The following SNTA1 variants were observed in gnomAD, a reference collection of about 807,000 sequenced individuals.
SNTA1 encodes the protein alpha-1-syntrophin.
Under a neutral mutation model 47.1 loss-of-function variants are expected in SNTA1, and 31 were observed. That is an observed-to-expected ratio of 0.66 (90% CI 0.49 to 0.89). The LOEUF is 0.89. Ranked by LOEUF, SNTA1 falls within the 40% of genes least tolerant of loss-of-function variation. SNTA1 has a pLI of 0.00. For missense variants in SNTA1, 575 were observed against 693.0 expected (o/e 0.83, Z 1.91); for synonymous variants, 300 against 313.6 (o/e 0.96, Z 0.46).
intron 2 of SNTA1, among the ~76,000 whole-genome samples, chr20:33,435,554 C>T (rs561765716): frequency 2.1e-4 from 32 of 152,088 alleles, no homozygotes; most frequent in Non-Finnish European, 3.5e-4. Context: ...GATCGCACTA[C>T]TGCACTCCAG....
chr20:33,428,339 G>C (rs1362400164), intron 2 of SNTA1, among the ~76,000 whole-genome samples: 1 of 152,014 alleles, frequency 6.6e-6, no homozygotes, highest in Admixed American at 6.6e-5. Context: ...AATCCAGGAG[G>C]TCGAGGCTGC....
chr20:33,423,373 T>G (rs1379855594), intron 2 of SNTA1, among the ~76,000 whole-genome samples: 4 of 152,024 alleles, frequency 2.6e-5, no homozygotes, highest in Non-Finnish European at 5.9e-5. Flanking sequence ...CAAGGCAGGG[T>G]GGGGCTGCCA....
Position 33,412,633 on chromosome 20 carries a change from G to C in SNTA1, c.851C>G (p.Ala284Gly), listed in dbSNP as rs1344735319. 6.2e-7 allele frequency: 1 copy of C among 1,613,976 alleles called. No homozygotes were observed. Among genetic ancestry groups the C allele is most frequent in the Admixed American group, 1.7e-5 (1 of 60,018 alleles). Reference protein sequence around the residue: ...RVKDELQALLAATSTAGSQDI... With the variant: ...RVKDELQALLGATSTAGSQDI... ...CTGGCTCCCAGCTGTGCTGGTGGCT[G>C]CCAACAGTGCCTGCAGCTCATCCTT... The change falls in exon 4 of 8, where the codon GCA becomes GGA. Residue 284 changes from alanine (A) to glycine (G), a missense_variant. Coordinates refer to ENST00000217381, the MANE Select transcript of SNTA1 (RefSeq NM_003098.3).
At position 33,443,709 on chromosome 20, in the gene SNTA1, G is replaced by A. The variant is rs577552767; in HGVS notation, c.-89C>T. 4.6e-6 allele frequency: 4 copies of A among 865,050 alleles called. No individual in the cohort carries two copies. The highest frequency in any genetic ancestry group is 5.8e-6 in the Non-Finnish European group (4 of 686,368). 53.6% of individuals were successfully genotyped at this position (865,050 alleles called of 1,614,324 possible). On this transcript the variant is annotated 5_prime_UTR_variant, in exon 1 of 8. Coordinates refer to ENST00000217381, the MANE Select transcript of SNTA1 (RefSeq NM_003098.3). ...CCAAGCGCCCAGGGCAGAGGGCAGC[G>A]GGGGCCCGGCTGGGCCAGCCGCCAC... is the stretch of plus-strand genomic sequence containing the variant.
intron 2 of SNTA1, among the ~76,000 whole-genome samples, chr20:33,428,361 A>G (rs1990214839): frequency 6.6e-6 from 1 of 152,084 alleles, no homozygotes; most frequent in Admixed American, 6.6e-5. Context: ...GTGAGCAATG[A>G]TTATGCCACT....
intron 2 of SNTA1, among the ~76,000 whole-genome samples, chr20:33,426,824 G>A (rs1306979154): frequency 6.6e-6 from 1 of 151,982 alleles, no homozygotes; most frequent in Admixed American, 6.6e-5. Flanking sequence ...CACTTTGGGA[G>A]TTCAAGGCAG....
intron 1 of SNTA1, among the ~76,000 whole-genome samples, chr20:33,441,958 G>A (rs987417844): frequency 1.3e-5 from 2 of 152,036 alleles, no homozygotes; most frequent in African/African-American, 4.8e-5. Flanking sequence ...GCCCCTCTTG[G>A]TTGGCTGCCT....
intron 2 of SNTA1, among the ~76,000 whole-genome samples, chr20:33,431,880 G>C (rs1360788471): frequency 6.6e-6 from 1 of 152,184 alleles, no homozygotes; most frequent in Non-Finnish European, 1.5e-5. Context: ...TCCACCACCA[G>C]CAGCAGCCAG....
rs1454100807 is a variant in SNTA1 at position 33,443,676 on chromosome 20, C to G, written c.-56G>C. Reference sequence around the variant, plus strand: ...TCGCCCTGTCCCGCTTTGCCCAGCCCGCTCCGACCAAGCGCCCAGGGCAGA... The same window carrying G: ...TCGCCCTGTCCCGCTTTGCCCAGCCGGCTCCGACCAAGCGCCCAGGGCAGA... On this transcript the variant is annotated 5_prime_UTR_variant, in exon 1 of 8. Transcript: ENST00000217381. The G allele has an allele frequency of 9.1e-7, 1 of 1,099,316 alleles. No homozygotes were observed. The highest frequency in any genetic ancestry group is 1.1e-6 in the Non-Finnish European group (1 of 891,784). The allele number at this position is 1,099,316 out of a possible 1,614,324, so 68.1% of individuals were successfully genotyped here.
chr20:33,428,444 A>T (rs1340921658), intron 2 of SNTA1, among the ~76,000 whole-genome samples: 1 of 152,100 alleles, frequency 6.6e-6, no homozygotes, highest in East Asian at 1.9e-4. Context: ...TAAAAAGATA[A>T]AAAAGAATGA....
At chr20:33,417,622 C>T (rs1989906874) in intron 3 of SNTA1, 97 bp downstream of exon 3, 1 of 869,286 alleles carries the variant, frequency 1.2e-6, no homozygotes, top group Non-Finnish European at 1.9e-6. Context: ...TGGCATTGTG[C>T]TGGTCATTCG....
intron 7 of SNTA1, 34 bp from the exon 8 acceptor site, chr20:33,408,633 T>C (rs896898337): frequency 5.6e-6 from 9 of 1,606,330 alleles, no homozygotes; most frequent in Non-Finnish European, 5.1e-6. Context: ...GTCAGGGCCC[T>C]GGCCAGCCTG....
Position 33,443,412 on chromosome 20 carries a change from G to C in SNTA1, c.209C>G (p.Pro70Arg). Reference sequence around the variant, plus strand: ...TGGCAGCTGCGGGGGCCCGGCGCCCGGCTCCGCGGCGCCGTTGAGCTGCGC... The same window carrying C: ...TGGCAGCTGCGGGGGCCCGGCGCCCCGCTCCGCGGCGCCGTTGAGCTGCGC... The part of the protein sequence containing the change: ...EPAQLNGAAE[P>R]GAGPPQLPEA... The change falls in exon 1 of 8, where the codon CCG (proline) becomes CGG (arginine). Residue 70 changes from proline (P) to arginine (R), a missense_variant. Pro to Arg is a moderately radical substitution (Grantham distance 103). Coordinates refer to ENST00000217381, the MANE Select transcript of SNTA1 (RefSeq NM_003098.3). The C allele has an allele frequency of 3.7e-6, 5 of 1,341,660 alleles. No homozygotes were observed. Among genetic ancestry groups the C allele is most frequent in the Non-Finnish European group, 4.7e-6 (5 of 1,054,304 alleles). 83.1% of individuals were successfully genotyped at this position (1,341,660 alleles called of 1,614,324 possible). A position where few individuals can be genotyped will look rare whatever the true frequency, so the allele number is the denominator to read the frequency against.
rs139072417 is a variant in SNTA1 at position 33,436,124 on chromosome 20, C to T, written c.496+2717G>A. Among the ~76,000 whole-genome samples the T allele has an allele frequency of 6.0e-3, 907 of 151,816 alleles. 15 individuals carry two copies. The highest frequency in any genetic ancestry group is 0.021 in the African/African-American group (880 of 41,368). On this transcript the variant is annotated intron_variant, in intron 2 of 7. Coordinates refer to ENST00000217381, the MANE Select transcript of SNTA1 (RefSeq NM_003098.3). Reference sequence around the variant, plus strand: ...AGGAGAATGGCGTGAACCCGGGAGGCGGAGCTTGCAGTGAGCCGAGATCCC... The same window carrying T: ...AGGAGAATGGCGTGAACCCGGGAGGTGGAGCTTGCAGTGAGCCGAGATCCC...
intron 2 of SNTA1, among the ~76,000 whole-genome samples, chr20:33,423,358 C>T (rs1213187648): frequency 6.6e-6 from 1 of 152,190 alleles, no homozygotes; most frequent in Non-Finnish European, 1.5e-5. Flanking sequence ...GCCTGAGTCA[C>T]CCGACAAGGC....
At chr20:33,420,436 C>A (rs1989991547) in intron 2 of SNTA1, among the ~76,000 whole-genome samples, 1 of 152,178 alleles carries the variant, frequency 6.6e-6, no homozygotes, top group African/African-American at 2.4e-5. Flanking sequence ...AGCATCCTGA[C>A]AAATACAGCC....
chr20:33,429,410 G>A (rs1165246886), intron 2 of SNTA1, among the ~76,000 whole-genome samples: 12 of 149,864 alleles, frequency 8.0e-5, no homozygotes, highest in Non-Finnish European at 1.6e-4. Flanking sequence ...CTAGCACTTT[G>A]GGAGTCCGAG....
rs746609632 is a variant in SNTA1, at chr20:33,408,688, G to A, written c.1425+13C>T. 1.9e-6 allele frequency: 3 copies of A among 1,613,656 alleles called. No individual in the cohort carries two copies. Among genetic ancestry groups the A allele is most frequent in the East Asian group, 2.2e-5 (1 of 44,872 alleles). ...CCCTCCTCCCCAGGGTGCAGAGGCA[G>A]CCCCTCACTCACGATCTCGCCTTCA... On this transcript the variant is annotated intron_variant, in intron 7 of 7. Transcript: ENST00000217381.
At chr20:33,437,094 C>CTCTACTA (rs1286696184) in intron 2 of SNTA1, among the ~76,000 whole-genome samples, 1 of 151,474 alleles carries the variant, frequency 6.6e-6, no homozygotes, top group East Asian at 1.9e-4. Context: ...GAAACCTCAT[C>CTCTACTA]TCTACTAAAA....
Sources: allele counts gnomAD v4.1 joint callset (sites outside exome capture counted in the v4.1 genomes callset), GRCh38; gene constraint gnomAD v4.1.1; transcripts MANE v1.5; gene names NCBI Gene and HGNC (gene_info 2026-07-23, HGNC 2026-07-21).